Variants in NXN observed in about 807,000 individuals in gnomAD.
The protein encoded by NXN is nucleoredoxin.
A neutral mutation model predicts 48.6 loss-of-function variants in NXN; 16 were observed. The ratio of observed to expected loss-of-function variants is 0.33; its 90% CI spans 0.22 to 0.50. NXN has a LOEUF of 0.50. NXN is among the 20% of genes least tolerant of loss of function. The probability of loss-of-function intolerance (pLI) is 0.98; values close to 1 mark genes in which losing one functional copy is unlikely to be tolerated. For synonymous variants in NXN, 281 were observed against 269.6 expected (o/e 1.04, Z -0.41); for missense variants, 492 against 605.5 (o/e 0.81, Z 1.97).
intron 5 of NXN, among the ~76,000 whole-genome samples, chr17:816,579 G>A (rs373357586): frequency 1.3e-5 from 2 of 152,144 alleles, no homozygotes; most frequent in East Asian, 1.9e-4. Flanking sequence ...CCCTACCCCA[G>A]CACTGGCGGC....
chr17:870,336 T>C (rs1001945337), intron 1 of NXN, among the ~76,000 whole-genome samples: 3 of 152,078 alleles, frequency 2.0e-5, no homozygotes, highest in African/African-American at 7.2e-5. Context: ...GCAAGCACCT[T>C]GAAGGTACCG....
intron 1 of NXN, among the ~76,000 whole-genome samples, chr17:891,552 TCTTC>T (rs2144868113): frequency 6.6e-6 from 1 of 152,370 alleles, no homozygotes; most frequent in South Asian, 2.1e-4. Context: ...AGGACAACTG[TCTTC>T]CTTTTCAGAA....
chr17:975,512 C>CT, intron 1 of NXN, among the ~76,000 whole-genome samples: 1 of 152,150 alleles, frequency 6.6e-6, no homozygotes. Flanking sequence ...CAGAGTGAGA[C>CT]TCCACTTCCC....
At chr17:828,453 G>A (rs1913261152) in intron 1 of NXN, among the ~76,000 whole-genome samples, 1 of 141,430 alleles carries the variant, frequency 7.1e-6, no homozygotes, top group African/African-American at 2.7e-5. Flanking sequence ...CCAGGCTAGA[G>A]TGCAATGGTG....
At chr17:946,272 G>A (rs1011325760) in intron 1 of NXN, among the ~76,000 whole-genome samples, 3 of 151,202 alleles carry the variant, frequency 2.0e-5, no homozygotes, top group African/African-American at 4.8e-5. Context: ...GGGTTCAAGC[G>A]ATTCTCCTGC....
intron 1 of NXN, among the ~76,000 whole-genome samples, chr17:889,699 AAAAGAAAGAAAGAAAGAAAGAAAGAAAG>A (rs201931057): frequency 7.9e-6 from 1 of 126,558 alleles, no homozygotes; most frequent in Admixed American, 9.0e-5. Flanking sequence ...GAAAGAAAGA[AAAAGAAAGAAAGAAAGAAAGAAAGAAAG>A]AAAGAAAGAA....
intron 1 of NXN, among the ~76,000 whole-genome samples, chr17:899,832 G>A (rs1283679084): frequency 1.3e-5 from 2 of 152,134 alleles, no homozygotes; most frequent in African/African-American, 2.4e-5. Context: ...CGAGGCTGCA[G>A]TGAGCTATGA....
intron 1 of NXN, among the ~76,000 whole-genome samples, chr17:878,928 G>T (rs1195982006): frequency 6.6e-6 from 1 of 152,174 alleles, no homozygotes; most frequent in Non-Finnish European, 1.5e-5. Flanking sequence ...ACTTTGGGAG[G>T]CTGAGGTGGG....
At chr17:873,391 G>T (rs1199185636) in intron 1 of NXN, among the ~76,000 whole-genome samples, 2 of 150,992 alleles carry the variant, frequency 1.3e-5, no homozygotes, top group Non-Finnish European at 2.9e-5. Flanking sequence ...CAGCTACCTG[G>T]GAGGCTGAGA....
At chr17:869,945 T>C (rs1298165912) in intron 1 of NXN, among the ~76,000 whole-genome samples, 1 of 152,144 alleles carries the variant, frequency 6.6e-6, no homozygotes, top group African/African-American at 2.4e-5. Context: ...GCCAGGCGCT[T>C]GGTGCTTGCC....
rs62068392 is a variant in NXN, at chr17:849,172, G to C, written c.361-23094C>G. Among the ~76,000 whole-genome samples the C allele has an allele frequency of 0.022, 3,307 of 152,054 alleles. 53 individuals are homozygous for C. Among genetic ancestry groups the C allele is most frequent in the Non-Finnish European group, 0.034 (2,336 of 67,976 alleles). ...GCAATCATGGTGGGTGTGCACGCTT[G>C]ATCTAAGACCAATCACGCTCTCTCC... On this transcript the variant is annotated intron_variant, in intron 1 of 7. Coordinates refer to ENST00000336868, the MANE Select transcript of NXN (RefSeq NM_022463.5). This position sits in a 1 kb window ranked among gnomAD's most constrained non-coding sequence, Gnocchi z 4.2.
chr17:886,058 A>G (rs1450086088), intron 1 of NXN, among the ~76,000 whole-genome samples: 1 of 152,056 alleles, frequency 6.6e-6, no homozygotes, highest in Non-Finnish European at 1.5e-5. Flanking sequence ...AAACCCTGGC[A>G]TGGAACCACA....
At chr17:832,765 G>A (rs1485672303) in intron 1 of NXN, among the ~76,000 whole-genome samples, 1 of 151,944 alleles carries the variant, frequency 6.6e-6, no homozygotes, top group African/African-American at 2.4e-5. Context: ...TTCCTTTCTG[G>A]TTGCATCTCA....
chr17:931,599 G>A (rs2068853937), intron 1 of NXN, among the ~76,000 whole-genome samples: 1 of 151,608 alleles, frequency 6.6e-6, no homozygotes, highest in Non-Finnish European at 1.5e-5. Flanking sequence ...CACTTTGGGA[G>A]GCCGAGGTGG....
rs139403163 is a variant in NXN, at chr17:868,653, G to A, written c.361-42575C>T. Among the ~76,000 whole-genome samples, 1,496 of 152,066 alleles carry A rather than the reference G, an allele frequency of 9.8e-3. 31 individuals carry two copies. The highest frequency in any genetic ancestry group is 0.033 in the African/African-American group (1,379 of 41,504). The stretch of plus-strand genomic sequence containing the variant: ...ACAACAGGCGCCCACCACCACGCCC[G>A]GATCATTTTTTTGTATTTTTAGTAG... On this transcript the variant is annotated intron_variant, in intron 1 of 7. Transcript: ENST00000336868.
At chr17:925,635 C>T (rs1302901556) in intron 1 of NXN, among the ~76,000 whole-genome samples, 5 of 152,246 alleles carry the variant, frequency 3.3e-5, no homozygotes, top group East Asian at 1.9e-4. Flanking sequence ...GTGATCCGCC[C>T]GCCTCAGTCT....
chr17:957,224 C>T (rs1350926604), intron 1 of NXN, among the ~76,000 whole-genome samples: 3 of 151,878 alleles, frequency 2.0e-5, no homozygotes, highest in Non-Finnish European at 4.4e-5. Context: ...CTGTCACCAC[C>T]CCCCTCCCCC....
intron 1 of NXN, among the ~76,000 whole-genome samples, chr17:855,966 G>A (rs898308264): frequency 3.3e-5 from 5 of 152,046 alleles, no homozygotes; most frequent in Non-Finnish European, 7.4e-5. Flanking sequence ...AGGCCTAGAC[G>A]GGCAGATCAC....
intron 1 of NXN, among the ~76,000 whole-genome samples, chr17:971,008 G>A (rs2150640363): frequency 6.7e-6 from 1 of 148,294 alleles, no homozygotes; most frequent in East Asian, 2.0e-4. Context: ...GTACAGTGGT[G>A]CGATCTCGGC....
Sources: gnomAD v4.1 joint callset for allele counts (sites outside exome capture counted in the v4.1 genomes callset) on GRCh38, gnomAD v4.1.1 for gene constraint, Gnocchi (gnomAD v3.1) non-coding constraint, MANE v1.5 for transcripts, NCBI Gene and HGNC (gene_info 2026-07-23, HGNC 2026-07-21) for gene names.